Variants in NR3C1 observed in about 807,000 individuals in gnomAD.
NR3C1 encodes glucocorticoid receptor.
In NR3C1, 14 loss-of-function variants were observed where a neutral mutation model predicts 74.0. That is an observed-to-expected ratio of 0.19 (90% CI 0.12 to 0.30). The LOEUF (loss-of-function observed/expected upper bound fraction) is 0.30, where lower values mean the gene tolerates loss of function less well. NR3C1 is among the 10% of genes least tolerant of loss of function. The pLI is 1.00. For missense variants in NR3C1, 695 were observed against 909.8 expected, an observed-to-expected ratio of 0.76 and a Z score of 3.04; for synonymous variants, 308 against 332.5, an observed-to-expected ratio of 0.93 and a Z score of 0.80.
intron 2 of NR3C1, among the ~76,000 whole-genome samples, chr5:143,352,649 A>G (rs756239340): frequency 6.6e-5 from 10 of 152,240 alleles, no homozygotes; most frequent in Non-Finnish European, 1.3e-4. Flanking sequence ...TTCCCACTAC[A>G]TATAAAAGTT....
At chr5:143,309,771 A>G (rs1383728070) in intron 4 of NR3C1, among the ~76,000 whole-genome samples, 1 of 152,218 alleles carries the variant, frequency 6.6e-6, no homozygotes, top group African/African-American at 2.4e-5. Flanking sequence ...CCTAGGGAAT[A>G]GTTTTGAGGC....
intron 1 of NR3C1, among the ~76,000 whole-genome samples, chr5:143,415,696 A>G (rs1000504809): frequency 6.6e-6 from 1 of 152,114 alleles, no homozygotes; most frequent in Non-Finnish European, 1.5e-5. Flanking sequence ...ATTTTTCACT[A>G]TTGCAAGCCA....
chr5:143,435,110 C>A (rs748405286), exon 1 of NR3C1: 26 of 985,292 alleles, frequency 2.6e-5, no homozygotes, highest in Admixed American at 1.8e-4. Context: ...TTATCATGCT[C>A]AACAAGGATT....
At position 143,300,596 on chromosome 5, in the gene NR3C1, C is replaced by A. The variant is rs776838455; in HGVS notation, c.1636G>T (p.Ala546Ser). The part of the protein sequence containing the change: ...LEVIEPEVLY[A>S]GYDSSVPDST... Reference sequence around the variant, plus strand: ...TCTGGAACAGAGCTATCATATCCTGCATATAACACTTCAGGTTCAATAACC... The same window carrying A: ...TCTGGAACAGAGCTATCATATCCTGAATATAACACTTCAGGTTCAATAACC... Residue 546 changes from alanine to serine, a missense_variant, in exon 5 of 9, where the codon GCA becomes TCA. By Grantham distance (99) the Ala-to-Ser change is moderately conservative (BLOSUM62 1). Around this residue, in one of 4 missense-constraint regions of NR3C1, gnomAD observed 133 missense variants for 287.9 expected, o/e 0.46. Coordinates refer to ENST00000394464, the MANE Select transcript of NR3C1 (RefSeq NM_000176.3). The surrounding 1 kb of genome is among the most constrained non-coding windows in gnomAD (Gnocchi z 5.2). 11 of 1,614,190 alleles carry A rather than the reference C, an allele frequency of 6.8e-6. No homozygotes were observed. The highest frequency in any genetic ancestry group is 9.3e-6 in the Non-Finnish European group (11 of 1,180,010).
intron 2 of NR3C1, among the ~76,000 whole-genome samples, chr5:143,393,987 TA>T (rs1561764885): frequency 6.6e-6 from 1 of 152,070 alleles, no homozygotes; most frequent in Non-Finnish European, 1.5e-5. Flanking sequence ...CAAGGTAAGA[TA>T]ATGCGTAAAC....
chr5:143,318,874 T>C (rs1822734016), intron 2 of NR3C1, among the ~76,000 whole-genome samples: 1 of 152,222 alleles, frequency 6.6e-6, no homozygotes, highest in South Asian at 2.1e-4. Flanking sequence ...GGTTGAAATT[T>C]AATGTAATTA....
At chr5:143,352,403 A>G (rs1024272289) in intron 2 of NR3C1, among the ~76,000 whole-genome samples, 9 of 152,196 alleles carry the variant, frequency 5.9e-5, no homozygotes, top group African/African-American at 1.7e-4. Context: ...TATCTCAGAC[A>G]TATTTTCTTG....
intron 7 of NR3C1, chr5:143,294,365 A>C: frequency 1.1e-6 from 1 of 887,878 alleles, no homozygotes; most frequent in Non-Finnish European, 1.3e-6. Flanking sequence ...AAATGGCCTA[A>C]GGTTTATAAT....
intron 2 of NR3C1, among the ~76,000 whole-genome samples, chr5:143,339,197 T>C (rs1827746362): frequency 6.6e-6 from 1 of 152,180 alleles, no homozygotes; most frequent in Non-Finnish European, 1.5e-5. Flanking sequence ...CATGACTGCA[T>C]ATTTGTTTTG....
intron 7 of NR3C1, among the ~76,000 whole-genome samples, chr5:143,284,759 A>G (rs1813954653): frequency 6.6e-6 from 1 of 152,126 alleles, no homozygotes; most frequent in Non-Finnish European, 1.5e-5. Context: ...GCAATACATG[A>G]TTATGATCCC....
chr5:143,418,945 G>A (rs1751067458), intron 1 of NR3C1, among the ~76,000 whole-genome samples: 1 of 152,128 alleles, frequency 6.6e-6, no homozygotes, highest in African/African-American at 2.4e-5. Context: ...ACAATTCAAT[G>A]AGATTACATT....
chr5:143,360,759 G>A (rs1390840236), intron 2 of NR3C1, among the ~76,000 whole-genome samples: 2 of 152,104 alleles, frequency 1.3e-5, no homozygotes, highest in Non-Finnish European at 2.9e-5. Flanking sequence ...CGGGGTTTCT[G>A]GTATCTCATT....
In NR3C1 at chr5:143,300,731, G is replaced by T; in HGVS notation, c.1501C>A (p.Gln501Lys). 1 of 1,613,770 alleles carries T rather than the reference G, an allele frequency of 6.2e-7. No homozygotes were observed. The highest frequency in any genetic ancestry group is 8.5e-7 in the Non-Finnish European group (1 of 1,179,918). The change falls in exon 5 of 9, where the codon CAG becomes AAG. Residue 501 changes from glutamine to lysine, a missense_variant. Physicochemically the swap from Gln to Lys is moderately conservative, Grantham distance 53. Coordinates refer to ENST00000394464, the MANE Select transcript of NR3C1 (RefSeq NM_000176.3). This position sits in a 1 kb window ranked among gnomAD's most constrained non-coding sequence, Gnocchi z 5.2. ...TGTGAGACTCCTGTAGTGGCCTGCTGAATTCCTTTTATTTTTTTCTTTGTT... is the reference window on the plus strand; with the variant it reads ...TGTGAGACTCCTGTAGTGGCCTGCTTAATTCCTTTTATTTTTTTCTTTGTT... ...RKTKKKIKGI[Q>K]QATTGVSQET...
At chr5:143,422,182 C>G (rs1158307388) in intron 1 of NR3C1, among the ~76,000 whole-genome samples, 1 of 152,118 alleles carries the variant, frequency 6.6e-6, no homozygotes, top group Non-Finnish European at 1.5e-5. Flanking sequence ...TTGGCTATTT[C>G]TTGAAGCATT....
upstream of NR3C1, among the ~76,000 whole-genome samples, chr5:143,406,725 C>T (rs1028537179): frequency 6.6e-6 from 1 of 152,176 alleles, no homozygotes; most frequent in Admixed American, 6.5e-5. Context: ...GTTCACATGG[C>T]TCCTATGCAT....
intron 2 of NR3C1, among the ~76,000 whole-genome samples, chr5:143,385,556 A>G (rs2151900172): frequency 6.6e-6 from 1 of 152,316 alleles, no homozygotes; most frequent in East Asian, 1.9e-4. Context: ...CTACTTAGAA[A>G]TTTCTTCTGC....
At chr5:143,307,277 T>C (rs903227883) in intron 4 of NR3C1, among the ~76,000 whole-genome samples, 3 of 152,156 alleles carry the variant, frequency 2.0e-5, no homozygotes, top group Non-Finnish European at 4.4e-5. Context: ...GATGGTATAA[T>C]TAATAGAAAA....
intron 1 of NR3C1, chr5:143,402,959 G>A: frequency 1.4e-6 from 1 of 725,206 alleles, no homozygotes; most frequent in Non-Finnish European, 1.7e-6. Flanking sequence ...GGCTCCGCTC[G>A]CCGTCCGAGG....
chr5:143,357,151 T>C (rs1377693120), intron 2 of NR3C1, among the ~76,000 whole-genome samples: 1 of 152,238 alleles, frequency 6.6e-6, no homozygotes, highest in Non-Finnish European at 1.5e-5. Flanking sequence ...GAAAGTTACA[T>C]ATTTATAACG....
Sources: allele counts gnomAD v4.1 joint callset (sites outside exome capture counted in the v4.1 genomes callset), GRCh38; gene constraint gnomAD v4.1.1; regional missense constraint gnomAD v4.1.1; non-coding constraint Gnocchi (gnomAD v3.1); transcripts MANE v1.5; gene names NCBI Gene and HGNC (gene_info 2026-07-23, HGNC 2026-07-21).